The following NEDD4L variants were observed in gnomAD, a reference collection of about 807,000 sequenced individuals.
NEDD4L encodes E3 ubiquitin-protein ligase NEDD4-like.
NEDD4L carries 54 observed loss-of-function variants against 148.9 expected under a neutral mutation model. The observed-to-expected ratio is 0.36, with a 90% CI of 0.29 to 0.45. The LOEUF is 0.45. Ranked by LOEUF, NEDD4L falls within the 20% of genes least tolerant of loss-of-function variation. NEDD4L has a pLI of 1.00. For synonymous variants in NEDD4L, 433 were observed against 440.7 expected (o/e 0.98, Z 0.22); for missense variants, 856 against 1,233.8 (o/e 0.69, Z 4.59).
At chr18:58,228,356 C>T (rs1401321293) in intron 2 of NEDD4L, among the ~76,000 whole-genome samples, 2 of 152,166 alleles carry the variant, frequency 1.3e-5, no homozygotes, top group African/African-American at 4.8e-5. Flanking sequence ...ACGTGCATGC[C>T]AGGTGGGGGG....
chr18:58,146,380 G>A (rs1311230966), intron 1 of NEDD4L, among the ~76,000 whole-genome samples: 1 of 152,142 alleles, frequency 6.6e-6, no homozygotes, highest in African/African-American at 2.4e-5. Context: ...TGCTATGTGG[G>A]TGTGGACCAC....
chr18:58,153,497 G>A (rs2146350942), intron 1 of NEDD4L, among the ~76,000 whole-genome samples: 1 of 152,004 alleles, frequency 6.6e-6, no homozygotes, highest in East Asian at 1.9e-4. Context: ...GAGCCACCAG[G>A]CCCAGCTAAT....
chr18:58,311,014 C>G (rs1188714804), intron 5 of NEDD4L, among the ~76,000 whole-genome samples: 1 of 147,254 alleles, frequency 6.8e-6, no homozygotes, highest in Non-Finnish European at 1.5e-5. Flanking sequence ...AACTCTAAAC[C>G]TTTTTTTTTT....
intron 26 of NEDD4L, among the ~76,000 whole-genome samples, chr18:58,386,807 C>T (rs1195546546): frequency 6.6e-6 from 1 of 152,064 alleles, no homozygotes; most frequent in African/African-American, 2.4e-5. Flanking sequence ...CAGCTCGGGG[C>T]CTTAGGGACT....
At chr18:58,095,717 T>C (rs2084353450) in intron 1 of NEDD4L, among the ~76,000 whole-genome samples, 3 of 152,238 alleles carry the variant, frequency 2.0e-5, no homozygotes, top group Admixed American at 2.0e-4. Flanking sequence ...TCTGGTTCTT[T>C]TCATGAACAT....
intron 9 of NEDD4L, among the ~76,000 whole-genome samples, chr18:58,328,648 C>T (rs933170888): frequency 2.6e-5 from 4 of 152,186 alleles, no homozygotes; most frequent in African/African-American, 9.7e-5. Context: ...TGCCTGTCAC[C>T]TCTGCTTCCA....
At chr18:58,309,646 C>T (rs1359347674) in intron 5 of NEDD4L, among the ~76,000 whole-genome samples, 2 of 151,736 alleles carry the variant, frequency 1.3e-5, no homozygotes, top group African/African-American at 4.8e-5. Context: ...CCAGTGTTCG[C>T]ACCCCCAGTT....
At chr18:58,165,477 T>G (rs548913930) in intron 1 of NEDD4L, 1 of 169,056 alleles carries the variant, frequency 5.9e-6, no homozygotes, top group South Asian at 1.9e-4. Context: ...GTTTTTTGTG[T>G]ATGATTGTGT....
intron 5 of NEDD4L, among the ~76,000 whole-genome samples, chr18:58,295,426 G>A (rs545370111): frequency 7.0e-4 from 107 of 152,078 alleles, no homozygotes; most frequent in South Asian, 2.1e-4. Flanking sequence ...AGGTTCCTCC[G>A]TGCCTCTTCA....
chr18:58,067,035 A>AT (rs2082636634), intron 1 of NEDD4L, among the ~76,000 whole-genome samples: 1 of 152,190 alleles, frequency 6.6e-6, no homozygotes, highest in Non-Finnish European at 1.5e-5. Flanking sequence ...TTAAAAAAAA[A>AT]TTTTTAAGAT....
At chr18:58,351,299 T>G (rs1159516931) in intron 18 of NEDD4L, 4 of 371,754 alleles carry the variant, frequency 1.1e-5, no homozygotes, top group African/African-American at 8.8e-5. Context: ...GTTGTTGAAT[T>G]TTTAAACCAC....
intron 2 of NEDD4L, among the ~76,000 whole-genome samples, chr18:58,230,463 G>C (rs139638104): frequency 6.0e-4 from 90 of 150,598 alleles, no homozygotes; most frequent in African/African-American, 2.1e-3. Flanking sequence ...GTGTATGTGA[G>C]CTTATAACTC....
At chr18:58,349,753 G>C in intron 17 of NEDD4L, 139 bp downstream of exon 17, 1 of 677,084 alleles carries the variant, frequency 1.5e-6, no homozygotes, top group Non-Finnish European at 2.6e-6. Context: ...TAACAGAATT[G>C]GGTGTTTAGC....
At chr18:58,243,572 ATC>A (rs1251202891) in intron 2 of NEDD4L, among the ~76,000 whole-genome samples, 1 of 152,148 alleles carries the variant, frequency 6.6e-6, no homozygotes, top group Non-Finnish European at 1.5e-5. Flanking sequence ...CCCCAGGTGA[ATC>A]TGATATGCTA....
chr18:58,306,332 C>T (rs1373601132), intron 5 of NEDD4L, among the ~76,000 whole-genome samples: 9 of 151,980 alleles, frequency 5.9e-5, no homozygotes, highest in African/African-American at 2.2e-4. Flanking sequence ...CTATTCAATT[C>T]CATTTGTTTT....
At position 58,340,916 on chromosome 18, in the gene NEDD4L, A is replaced by G. The variant is rs4149609; in HGVS notation, c.1126-122A>G. Reference sequence around the variant, plus strand: ...TTCCAGACACTTGTAAGTGTTTTCTATATAAATAGATCTAATTAACTTTGT... The same window carrying G: ...TTCCAGACACTTGTAAGTGTTTTCTGTATAAATAGATCTAATTAACTTTGT... On this transcript the variant is annotated intron_variant, in intron 13 of 30. Coordinates refer to ENST00000400345, the MANE Select transcript of NEDD4L (RefSeq NM_001144967.3). 0.52 allele frequency: 517,823 copies of G among 998,408 alleles called. 136,660 individuals are homozygous for G. Among genetic ancestry groups the G allele is most frequent in the East Asian group, 0.67 (24,993 of 37,200 alleles). 61.8% of individuals were successfully genotyped at this position (998,408 alleles called of 1,614,324 possible).
intron 1 of NEDD4L, among the ~76,000 whole-genome samples, chr18:58,081,379 C>A (rs965040186): frequency 6.6e-6 from 1 of 151,922 alleles, no homozygotes; most frequent in Non-Finnish European, 1.5e-5. Flanking sequence ...CCGCGCCCGG[C>A]TAATTTTTTA....
At chr18:58,141,637 C>T (rs2033517803) in intron 1 of NEDD4L, among the ~76,000 whole-genome samples, 1 of 152,066 alleles carries the variant, frequency 6.6e-6, no homozygotes, top group South Asian at 2.1e-4. Context: ...TGAAGAAGTT[C>T]TGTTTTTCCC....
At chr18:58,115,245 C>CTTTTTTTTTTTTTTTTTTTTTTTTTTCTT (rs60541981) in intron 1 of NEDD4L, among the ~76,000 whole-genome samples, 1 of 129,538 alleles carries the variant, frequency 7.7e-6, no homozygotes, top group African/African-American at 2.9e-5. Flanking sequence ...TTCTTTCTTT[C>CTTTTTTTTTTTTTTTTTTTTTTTTTTCTT]TTTTTTTTTT....
Sources: gnomAD v4.1 joint callset for allele counts (sites outside exome capture counted in the v4.1 genomes callset) on GRCh38, gnomAD v4.1.1 for gene constraint, MANE v1.5 for transcripts, NCBI Gene and HGNC (gene_info 2026-07-23, HGNC 2026-07-21) for gene names.